Variants in PCDHA5 observed in about 807,000 individuals in gnomAD.
The protein encoded by PCDHA5 is protocadherin alpha-5.
In PCDHA5, 43 loss-of-function variants were observed where a neutral mutation model predicts 61.6. That is an observed-to-expected ratio of 0.70 (90% CI 0.55 to 0.90). The LOEUF is 0.90. Among genes scored for constraint, PCDHA5 ranks in the 40% least tolerant of loss-of-function variants. PCDHA5 has a pLI of 0.00. For synonymous variants in PCDHA5, 627 were observed against 543.9 expected (o/e 1.15, Z -2.13); for missense variants, 1,298 against 1,222.7 (o/e 1.06, Z -0.92).
At position 140,823,870 on chromosome 5, in the gene PCDHA5, C is replaced by T; in HGVS notation, c.2095C>T (p.Leu699=). 5 of 1,613,918 alleles carry T rather than the reference C, an allele frequency of 3.1e-6. No homozygotes were observed. Among genetic ancestry groups the T allele is most frequent in the Non-Finnish European group, 3.4e-6 (4 of 1,179,940 alleles). The change falls in exon 1 of 4, where the codon CTG becomes TTG. Residue 699 remains leucine, a synonymous_variant. Coordinates refer to ENST00000529859, the MANE Select transcript of PCDHA5 (RefSeq NM_018908.3). ...TGCCCTGGTGGATGTCAACGTGTAC[C>T]TGATCATCGCCATCTGTGCGGTGTC... ...EAALVDVNVY[L]IIAICAVSSL... is the part of the protein sequence containing the mutation.
At chr5:140,923,434 G>A (rs1461886077) in intron 1 of PCDHA5, among the ~76,000 whole-genome samples, 1 of 152,088 alleles carries the variant, frequency 6.6e-6, no homozygotes, top group Non-Finnish European at 1.5e-5. Context: ...AGGCTGGGGT[G>A]GGAGGATCAC....
intron 3 of PCDHA5, among the ~76,000 whole-genome samples, chr5:141,004,757 A>T (rs964370551): frequency 3.9e-5 from 6 of 152,164 alleles, no homozygotes; most frequent in African/African-American, 1.4e-4. Flanking sequence ...TCTCTTAGAG[A>T]CAGGACCTGT....
At chr5:140,918,279 G>A (rs1554198513) in intron 1 of PCDHA5, among the ~76,000 whole-genome samples, 1 of 152,078 alleles carries the variant, frequency 6.6e-6, no homozygotes, top group African/African-American at 2.4e-5. Context: ...TCAGATGTAG[G>A]AGCTTTTTGG....
At chr5:140,919,489 T>C (rs1554199092) in intron 1 of PCDHA5, among the ~76,000 whole-genome samples, 2 of 152,222 alleles carry the variant, frequency 1.3e-5, no homozygotes, top group African/African-American at 4.8e-5. Context: ...TTATGTTTGT[T>C]ATTTTACTCC....
intron 1 of PCDHA5, chr5:140,856,890 G>GTATT: frequency 6.3e-7 from 1 of 1,596,172 alleles, no homozygotes; most frequent in Non-Finnish European, 8.6e-7. Context: ...TATTCATTTA[G>GTATT]CTCTTTGGTC....
At chr5:140,830,299 G>A (rs2150184675) in intron 1 of PCDHA5, 1 of 1,613,920 alleles carries the variant, frequency 6.2e-7, no homozygotes, top group South Asian at 1.1e-5. Context: ...CGGCGGACAA[G>A]CCCACGCTGG....
intron 1 of PCDHA5, chr5:140,836,037 C>T: frequency 6.2e-7 from 1 of 1,613,440 alleles, no homozygotes; most frequent in Non-Finnish European, 8.5e-7. Flanking sequence ...CGTGACGCTG[C>T]AGGTGTTCGT....
Position 141,010,240 on chromosome 5 carries a change from G to A in PCDHA5, c.*303G>A. The A allele has an allele frequency of 6.4e-7, 1 of 1,551,928 alleles. No homozygotes were observed. The highest frequency in any genetic ancestry group is 8.7e-7 in the Non-Finnish European group (1 of 1,147,042). ...GGCTTCCCAGCCCCGCCAGTGAGAGGTTGGACTCTCTGCCCTGTGCTCCGG... is the reference window on the plus strand; with the variant it reads ...GGCTTCCCAGCCCCGCCAGTGAGAGATTGGACTCTCTGCCCTGTGCTCCGG... On this transcript the variant is annotated 3_prime_UTR_variant, in exon 4 of 4. Coordinates refer to ENST00000529859, the MANE Select transcript of PCDHA5 (RefSeq NM_018908.3).
At chr5:140,926,575 C>T in intron 1 of PCDHA5, 1 of 273,448 alleles carries the variant, frequency 3.7e-6, no homozygotes, top group Non-Finnish European at 6.8e-6. Flanking sequence ...CTGGAGACAG[C>T]ACCTCTCGCG....
At chr5:140,829,466 G>C (rs2150168443) in intron 1 of PCDHA5, 1 of 1,613,882 alleles carries the variant, frequency 6.2e-7, no homozygotes, top group East Asian at 2.2e-5. Context: ...CGCGCAGCCC[G>C]AGTACACAGT....
chr5:140,870,493 A>T (rs782514435), intron 1 of PCDHA5: 2 of 1,614,214 alleles, frequency 1.2e-6, no homozygotes, highest in South Asian at 2.2e-5. Context: ...CGTGTTCGTG[A>T]AGGAGAACAA....
rs75032728 is a variant in PCDHA5 at position 140,932,740 on chromosome 5, T to C, written c.2353-46209T>C. On this transcript the variant is annotated intron_variant, in intron 1 of 3. Coordinates refer to ENST00000529859, the MANE Select transcript of PCDHA5 (RefSeq NM_018908.3). The stretch of plus-strand genomic sequence containing the variant: ...ATATTGTATAATATAGACCCTCAAA[T>C]CAGTAAAAAGGAAAGAAAAAGAACA... 5.5e-3 allele frequency among the ~76,000 whole-genome samples: 829 copies of C among 151,670 alleles called. 4 individuals carry two copies. The highest frequency in any genetic ancestry group is 0.019 in the African/African-American group (798 of 41,410).
intron 1 of PCDHA5, among the ~76,000 whole-genome samples, chr5:140,934,198 A>G (rs918942390): frequency 3.7e-4 from 57 of 152,134 alleles, no homozygotes; most frequent in African/African-American, 1.3e-3. Context: ...TTTCATTTCT[A>G]TTTCCTCACA....
chr5:140,947,569 A>G (rs2094145868), intron 1 of PCDHA5, among the ~76,000 whole-genome samples: 1 of 151,666 alleles, frequency 6.6e-6, no homozygotes. Flanking sequence ...TATATTGGGA[A>G]TGTTTTTAAC....
chr5:140,859,774 G>C (rs1214476805), intron 1 of PCDHA5: 1 of 152,534 alleles, frequency 6.6e-6, no homozygotes, highest in Non-Finnish European at 1.5e-5. Flanking sequence ...TCCATGCCCT[G>C]TCTCCAGCTC....
At chr5:140,926,165 T>A (rs570168495) in intron 1 of PCDHA5, among the ~76,000 whole-genome samples, 31 of 151,794 alleles carry the variant, frequency 2.0e-4, no homozygotes, top group Admixed American at 1.5e-3. Flanking sequence ...TGCAGCAGGA[T>A]CCAGCGCGGA....
chr5:140,928,510 A>T (rs782757628), intron 1 of PCDHA5: 1 of 1,614,166 alleles, frequency 6.2e-7, no homozygotes, highest in Non-Finnish European at 8.5e-7. Context: ...TGCAACAGTG[A>T]CTATAAACTT....
intron 1 of PCDHA5, among the ~76,000 whole-genome samples, chr5:140,945,368 C>T (rs980832309): frequency 1.3e-5 from 2 of 151,844 alleles, no homozygotes; most frequent in African/African-American, 4.8e-5. Flanking sequence ...TTAAAATGTC[C>T]ATATTACCCA....
chr5:140,836,018 G>A (rs1480987765), intron 1 of PCDHA5: 2 of 1,613,364 alleles, frequency 1.2e-6, no homozygotes, highest in Non-Finnish European at 1.7e-6. Context: ...TGCCGCCTCT[G>A]GGCAGCAACG....
Sources: allele counts gnomAD v4.1 joint callset (sites outside exome capture counted in the v4.1 genomes callset), GRCh38; gene constraint gnomAD v4.1.1; transcripts MANE v1.5; gene names NCBI Gene and HGNC (gene_info 2026-07-23, HGNC 2026-07-21).